Variants in BCAR3 observed in about 807,000 individuals in gnomAD.
BCAR3 encodes BCAR3 adaptor protein, NSP family member.
Under a neutral mutation model 80.1 loss-of-function variants are expected in BCAR3, and 37 were observed. The observed-to-expected ratio is 0.46, with a 90% CI of 0.36 to 0.61. The LOEUF is 0.61. Ranked by LOEUF, BCAR3 falls within the 20% of genes least tolerant of loss-of-function variation. BCAR3 has a pLI of 0.00. For synonymous variants in BCAR3, 389 were observed against 418.9 expected (o/e 0.93, Z 0.87); for missense variants, 978 against 1,068.2 (o/e 0.92, Z 1.18).
chr1:93,581,381 G>A (rs1002449369), intron 7 of BCAR3, among the ~76,000 whole-genome samples: 1 of 151,794 alleles, frequency 6.6e-6, no homozygotes, highest in Non-Finnish European at 1.5e-5. Context: ...CTGGATTTGT[G>A]TGGTTTTATC....
At chr1:93,807,148 C>G (rs1006579413) in intron 2 of BCAR3, among the ~76,000 whole-genome samples, 4 of 152,006 alleles carry the variant, frequency 2.6e-5, no homozygotes, top group Non-Finnish European at 5.9e-5. Context: ...TTTAGAAGAG[C>G]ATATGTCTTT....
At chr1:93,590,211 G>A (rs991363723) in intron 4 of BCAR3, 1 of 152,208 alleles carries the variant, frequency 6.6e-6, no homozygotes, top group African/African-American at 2.4e-5. Context: ...CACAGTGGAT[G>A]CTCAAAAATA....
chr1:93,622,594 G>A (rs1675346720), intron 3 of BCAR3, among the ~76,000 whole-genome samples: 1 of 152,138 alleles, frequency 6.6e-6, no homozygotes, highest in Non-Finnish European at 1.5e-5. Flanking sequence ...GGCAACAAAG[G>A]CTTGCTGCAC....
rs183249625 is a variant in BCAR3 at position 93,601,692 on chromosome 1, G to T, written c.358-9299C>A. On this transcript the variant is annotated intron_variant, in intron 3 of 11. Coordinates refer to ENST00000260502, the MANE Select transcript of BCAR3 (RefSeq NM_003567.4). ...TTTGTTGAATTTTAAAAACTGAGAT[G>T]ATTTTCTAGTCATTCATTTATTCCA... 5.3e-5 allele frequency among the ~76,000 whole-genome samples: 8 copies of T among 152,310 alleles called. No individual in the cohort carries two copies. In the East Asian group the frequency reaches 1.5e-3, roughly 29 times the overall value.
chr1:93,798,806 C>T (rs1364961392), intron 2 of BCAR3, among the ~76,000 whole-genome samples: 1 of 152,068 alleles, frequency 6.6e-6, no homozygotes, highest in Non-Finnish European at 1.5e-5. Flanking sequence ...GTGGTATCTC[C>T]TGCAAATTCT....
chr1:93,594,055 C>T (rs368207436), intron 3 of BCAR3, among the ~76,000 whole-genome samples: 128 of 152,314 alleles, frequency 8.4e-4, no homozygotes, highest in African/African-American at 2.7e-3. Flanking sequence ...CATCTGAAGA[C>T]AGCTTGAGTG....
rs147145989 is a variant in BCAR3, at chr1:93,703,014, G to T, written c.-12+3078C>A. 8.1e-3 allele frequency among the ~76,000 whole-genome samples: 1,227 copies of T among 152,282 alleles called. 11 individuals are homozygous for T. The highest frequency in any genetic ancestry group is 0.014 in the Non-Finnish European group (937 of 68,026). The stretch of plus-strand genomic sequence containing the variant: ...GCCTGCCCTCTGTGGTCCAAGGCTG[G>T]CCACCGCGGCCTGTGCTAGGCAGAA... On this transcript the variant is annotated intron_variant, in intron 3 of 13. Transcript: ENST00000370244.
chr1:93,831,418 A>G (rs558434207), intron 2 of BCAR3, among the ~76,000 whole-genome samples: 4 of 152,320 alleles, frequency 2.6e-5, no homozygotes, highest in African/African-American at 9.6e-5. Flanking sequence ...TGACCCCAGT[A>G]CAAACTTGAC....
intron 2 of BCAR3, among the ~76,000 whole-genome samples, chr1:93,726,210 G>T (rs972488358): frequency 6.6e-6 from 1 of 152,020 alleles, no homozygotes; most frequent in African/African-American, 2.4e-5. Context: ...GACCACAAGT[G>T]CATACCACCA....
Position 93,703,293 on chromosome 1 carries a change from C to T in BCAR3, c.-12+2799G>A, listed in dbSNP as rs148454263. Among the ~76,000 whole-genome samples the T allele has an allele frequency of 3.1e-3, 466 of 152,306 alleles. 4 individuals carry two copies. The highest frequency in any genetic ancestry group is 0.011 in the African/African-American group (452 of 41,568). On this transcript the variant is annotated intron_variant, in intron 3 of 13. Transcript: ENST00000370244. ...TTAGGGATTTTTAAAAAGTGAAACA[C>T]AGCCAGGCACAGTGGCTCACACCTG...
intron 7 of BCAR3, among the ~76,000 whole-genome samples, chr1:93,576,935 G>C (rs1457022210): frequency 6.6e-6 from 1 of 152,182 alleles, no homozygotes; most frequent in South Asian, 2.1e-4. Context: ...TGGGGGGACT[G>C]CTTGAGGACA....
chr1:93,784,036 C>T (rs975924002), intron 2 of BCAR3, among the ~76,000 whole-genome samples: 2 of 152,166 alleles, frequency 1.3e-5, no homozygotes, highest in Non-Finnish European at 2.9e-5. Context: ...AATGTGGAGA[C>T]AAACCAAGGC....
At chr1:93,789,470 A>G (rs1439771076) in intron 2 of BCAR3, among the ~76,000 whole-genome samples, 1 of 152,258 alleles carries the variant, frequency 6.6e-6, no homozygotes, top group Non-Finnish European at 1.5e-5. Flanking sequence ...ATGTAGTAAC[A>G]TTCCACATCC....
At chr1:93,697,530 A>G (rs114187289) in intron 3 of BCAR3, among the ~76,000 whole-genome samples, 4,943 of 152,254 alleles carry the variant, frequency 0.032, 263 homozygotes, top group African/African-American at 0.11. Context: ...TCAGCCTTGG[A>G]TAGGTGGGGG....
chr1:93,709,110 G>A lies in BCAR3; in HGVS notation c.-62-2968C>T, dbSNP rs151320588. Among the ~76,000 whole-genome samples the A allele has an allele frequency of 6.6e-3, 1,009 of 152,228 alleles. 5 individuals carry two copies. The highest frequency in any genetic ancestry group is 0.011 in the Non-Finnish European group (769 of 68,010). Reference sequence around the variant, plus strand: ...GGAAAAGGGAGGGCCTGGGAGCCCCGATGAAGTCAGAGCTTTTCCCCTCCC... The same window carrying A: ...GGAAAAGGGAGGGCCTGGGAGCCCCAATGAAGTCAGAGCTTTTCCCCTCCC... On this transcript the variant is annotated intron_variant, in intron 2 of 13. Coordinates refer to the BCAR3 transcript ENST00000370244.
chr1:93,671,713 T>TTC (rs2101943110), intron 2 of BCAR3, among the ~76,000 whole-genome samples: 1 of 152,318 alleles, frequency 6.6e-6, no homozygotes, highest in Non-Finnish European at 1.5e-5. Flanking sequence ...GAGCCTTGGG[T>TTC]TCTCATTCAG....
chr1:93,828,088 C>T (rs1292525644), intron 2 of BCAR3, among the ~76,000 whole-genome samples: 1 of 152,128 alleles, frequency 6.6e-6, no homozygotes, highest in Non-Finnish European at 1.5e-5. Context: ...GCTATGATTG[C>T]ACCACTGCAT....
intron 5 of BCAR3, chr1:93,585,063 C>T (rs2101836480): frequency 8.1e-6 from 8 of 985,446 alleles, no homozygotes; most frequent in Non-Finnish European, 9.6e-6. Context: ...TAAGACAAGA[C>T]CGAGGGCAAA....
chr1:93,780,742 T>C (rs1158333083), intron 2 of BCAR3, among the ~76,000 whole-genome samples: 3 of 152,248 alleles, frequency 2.0e-5, no homozygotes, highest in African/African-American at 7.2e-5. Context: ...TAATACATTT[T>C]GTTAAAAGTG....
Sources: gnomAD v4.1 joint callset for allele counts (sites outside exome capture counted in the v4.1 genomes callset) on GRCh38, gnomAD v4.1.1 for gene constraint, MANE v1.5 for transcripts, NCBI Gene and HGNC (gene_info 2026-07-23, HGNC 2026-07-21) for gene names.